TNFAIP1: variants seen among roughly 807,000 people sequenced by gnomAD.
TNFAIP1 encodes the protein TNF alpha induced protein 1, also known as BTB/POZ domain-containing adapter for CUL3-mediated RhoA degradation protein 2.
A neutral mutation model predicts 32.6 loss-of-function variants in TNFAIP1; 20 were observed. The observed-to-expected ratio is 0.61, with a 90% CI of 0.43 to 0.89. The LOEUF is 0.89. TNFAIP1 is among the 40% of genes least tolerant of loss of function. TNFAIP1 has a pLI of 0.00. For synonymous variants in TNFAIP1, 166 were observed against 166.8 expected (o/e 1.00, Z 0.04); for missense variants, 319 against 425.1 (o/e 0.75, Z 2.20).
chr17:28,335,878 G>A (rs1222160806), intron 1 of TNFAIP1, 22 bp downstream of exon 1: 1 of 152,230 alleles, frequency 6.6e-6, no homozygotes, highest in Non-Finnish European at 1.5e-5. Context: ...GCCCGCCGAT[G>A]CCCTCGGGGA....
Position 28,339,673 on chromosome 17 carries a change from C to G in TNFAIP1, c.152C>G (p.Thr51Ser). The change falls in exon 2 of 7, where the codon ACC (threonine) becomes AGC (serine). Residue 51 changes from threonine to serine, a missense_variant. Coordinates refer to ENST00000226225, the MANE Select transcript of TNFAIP1 (RefSeq NM_021137.5). The part of the protein sequence containing the change: ...TTVRALTRHD[T>S]MLKAMFSGRM... Reference sequence around the variant, plus strand: ...GTGCGGGCCCTGACCCGCCACGACACCATGCTCAAGGCCATGTTCAGTGGG... The same window carrying G: ...GTGCGGGCCCTGACCCGCCACGACAGCATGCTCAAGGCCATGTTCAGTGGG... 6.2e-7 allele frequency: 1 copy of G among 1,614,144 alleles called. No homozygotes were observed. The highest frequency in any genetic ancestry group is 2.2e-5 in the East Asian group (1 of 44,882).
intron 6 of TNFAIP1, 39 bp from the exon 7 acceptor site, chr17:28,344,325 G>A (rs955322817): frequency 4.4e-6 from 7 of 1,583,048 alleles, no homozygotes; most frequent in Admixed American, 3.3e-5. Flanking sequence ...TCCTCTTGAA[G>A]ATGAAACCTT....
chr17:28,337,295 C>T (rs1907210524), intron 1 of TNFAIP1, among the ~76,000 whole-genome samples: 1 of 152,148 alleles, frequency 6.6e-6, no homozygotes, highest in Non-Finnish European at 1.5e-5. Context: ...GTATGAAATC[C>T]ACCTTTGTTA....
rs1907485087 is a variant in TNFAIP1, at chr17:28,344,667, C to T, written c.*67C>T. The T allele has an allele frequency of 3.3e-6, 5 of 1,494,130 alleles. No individual in the cohort carries two copies. Among genetic ancestry groups the T allele is most frequent in the Non-Finnish European group, 4.6e-6 (5 of 1,086,744 alleles). 92.6% of individuals were successfully genotyped at this position (1,494,130 alleles called of 1,614,324 possible). On this transcript the variant is annotated 3_prime_UTR_variant, in exon 7 of 7. Transcript: ENST00000226225. Reference sequence around the variant, plus strand: ...CATCCTGTGGAACCCGCCCCATTGGCCACCCCATGCTGCTGCTGCCTGGGT... The same window carrying T: ...CATCCTGTGGAACCCGCCCCATTGGTCACCCCATGCTGCTGCTGCCTGGGT...
At position 28,339,769 on chromosome 17, in the gene TNFAIP1, G is replaced by A. The variant is rs115546172; in HGVS notation, c.205+43G>A. 257 of 1,591,530 alleles carry A rather than the reference G, an allele frequency of 1.6e-4. 2 individuals are homozygous for A. The African/African-American group carries it at 3.2e-3, about 20-fold the overall frequency. On this transcript the variant is annotated intron_variant, in intron 2 of 6. Transcript: ENST00000226225. ...CCGCTCGGGGTGGGGAGGGCAGGAG[G>A]AGTTCCCAAGGAAATGACCAGATCT...
intron 1 of TNFAIP1, among the ~76,000 whole-genome samples, chr17:28,337,846 T>A (rs1907230798): frequency 6.6e-6 from 1 of 152,240 alleles, no homozygotes; most frequent in South Asian, 2.1e-4. Flanking sequence ...ATTGCATTTA[T>A]CAGGTTCTGG....
At chr17:28,341,367 C>T (rs1398794782) in intron 4 of TNFAIP1, 37 bp from the exon 5 acceptor site, 1 of 1,614,016 alleles carries the variant, frequency 6.2e-7, no homozygotes, top group East Asian at 2.2e-5. Flanking sequence ...GGATGCCAGT[C>T]CCCTGGCCTG....
At chr17:28,341,180 C>G in intron 3 of TNFAIP1, 57 bp from the exon 4 acceptor site, 1 of 1,596,266 alleles carries the variant, frequency 6.3e-7, no homozygotes, top group Non-Finnish European at 8.6e-7. Flanking sequence ...AGGTATACCT[C>G]GATAAGCCTG....
intron 6 of TNFAIP1, among the ~76,000 whole-genome samples, chr17:28,343,811 C>A (rs1472664893): frequency 6.6e-6 from 1 of 152,066 alleles, no homozygotes; most frequent in East Asian, 1.9e-4. Context: ...TGACTGCCTT[C>A]CCTTTCTCCT....
intron 6 of TNFAIP1, among the ~76,000 whole-genome samples, chr17:28,344,088 G>T (rs1460171471): frequency 1.3e-5 from 2 of 152,166 alleles, no homozygotes; most frequent in African/African-American, 4.8e-5. Flanking sequence ...GAGCTGTGTT[G>T]GGACCTAGCT....
At chr17:28,341,897 T>C (rs1907374774) in intron 5 of TNFAIP1, among the ~76,000 whole-genome samples, 2 of 152,176 alleles carry the variant, frequency 1.3e-5, no homozygotes, top group Admixed American at 1.3e-4. Context: ...AAACCCTCCC[T>C]ATGATTCCCT....
chr17:28,341,372 G>A lies in TNFAIP1; in HGVS notation c.466-32G>A, dbSNP rs1555578141. 5.0e-6 allele frequency: 8 copies of A among 1,614,074 alleles called. No homozygotes were observed. The Middle Eastern group carries it at 4.9e-4, about 99-fold the overall frequency. ...TGCGGGCCGGGGATGCCAGTCCCCTGGCCTGGCCCCTCACTCTGAACTCCT... is the reference window on the plus strand; with the variant it reads ...TGCGGGCCGGGGATGCCAGTCCCCTAGCCTGGCCCCTCACTCTGAACTCCT... On this transcript the variant is annotated intron_variant, in intron 4 of 6. Transcript: ENST00000226225.
Position 28,339,335 on chromosome 17 carries a change from C to G in TNFAIP1, c.-114-73C>G. ...TTGTCAGGGAGAGAATGAGTACGGT[C>G]GTGTTTCTGCTATTGTCTCCTCCTG... On this transcript the variant is annotated intron_variant, in intron 1 of 6. Transcript: ENST00000226225. 6 of 500,244 alleles carry G rather than the reference C, an allele frequency of 1.2e-5. No homozygotes were observed. The South Asian group carries it at 1.5e-4, about 13-fold the overall frequency. The allele number at this position is 500,244 out of a possible 1,614,324, so 31.0% of individuals were successfully genotyped here.
chr17:28,346,789 T>A lies in TNFAIP1; in HGVS notation c.*2189T>A. 6.6e-6 allele frequency: 1 copy of A among 152,166 alleles called. No homozygotes were observed. Among genetic ancestry groups the A allele is most frequent in the Non-Finnish European group, 1.5e-5 (1 of 68,042 alleles). 9.4% of individuals were successfully genotyped at this position (152,166 alleles called of 1,614,324 possible). The stretch of plus-strand genomic sequence containing the variant: ...AAACAAAGTATGGATGAAGGTCAGA[T>A]TTTCTTGTCAGTTTCTGAGAAACCT... On this transcript the variant is annotated 3_prime_UTR_variant, in exon 7 of 7. Coordinates refer to ENST00000226225, the MANE Select transcript of TNFAIP1 (RefSeq NM_021137.5).
In TNFAIP1 at chr17:28,342,325, C is replaced by T. The variant is rs782352893; in HGVS notation, c.597C>T (p.Phe199=). ...LSLRFNGRVL[F]IKDVIGDEIC... ...TGCGCTTCAACGGCCGCGTGCTCTT[C>T]ATCAAGGATGTCATTGGTGACGAGA... The change falls in exon 6 of 7, where the codon TTC becomes TTT. Residue 199 remains phenylalanine (F), a synonymous_variant. Transcript: ENST00000226225. The surrounding 1 kb of genome is among the most constrained non-coding windows in gnomAD (Gnocchi z 4.0). 2 of 1,606,768 alleles carry T rather than the reference C, an allele frequency of 1.2e-6. No individual in the cohort carries two copies. The highest frequency in any genetic ancestry group is 1.7e-4 in the Middle Eastern group (1 of 6,042).
intron 6 of TNFAIP1, among the ~76,000 whole-genome samples, chr17:28,343,833 G>A (rs1315667764): frequency 6.6e-6 from 1 of 152,110 alleles, no homozygotes; most frequent in Non-Finnish European, 1.5e-5. Flanking sequence ...CCTCCAGGCA[G>A]GTCATGCCGG....
Position 28,344,540 on chromosome 17 carries a change from C to G in TNFAIP1, c.891C>G (p.Val297=), listed in dbSNP as rs782703944. ...GGGACCGTGTCCGCCGCATCCACGT[C>G]AAGCGCTACAGCACTTACGATGACC... ...ELRDRVRRIH[V]KRYSTYDDRQ... is the part of the protein sequence containing the mutation. Residue 297 remains valine, a synonymous_variant, in exon 7 of 7, where the codon GTC becomes GTG. Coordinates refer to ENST00000226225, the MANE Select transcript of TNFAIP1 (RefSeq NM_021137.5). 3.7e-6 allele frequency: 6 copies of G among 1,613,886 alleles called. No homozygotes were observed. Among genetic ancestry groups the G allele is most frequent in the Non-Finnish European group, 5.1e-6 (6 of 1,180,042 alleles).
At chr17:28,339,154 C>T (rs1234253882) in intron 1 of TNFAIP1, among the ~76,000 whole-genome samples, 4 of 149,956 alleles carry the variant, frequency 2.7e-5, no homozygotes, top group Non-Finnish European at 4.4e-5. Flanking sequence ...GGGAGGATCA[C>T]TTGAGCCTGG....
At chr17:28,335,886 G>C (rs547778669) in intron 1 of TNFAIP1, 30 bp downstream of exon 1, 1 of 152,394 alleles carries the variant, frequency 6.6e-6, no homozygotes, top group South Asian at 2.1e-4. Context: ...ATGCCCTCGG[G>C]GAAGGGATGG....
Sources: gnomAD v4.1 joint callset for allele counts (sites outside exome capture counted in the v4.1 genomes callset) on GRCh38, gnomAD v4.1.1 for gene constraint, Gnocchi (gnomAD v3.1) non-coding constraint, MANE v1.5 for transcripts, NCBI Gene and HGNC (gene_info 2026-07-23, HGNC 2026-07-21) for gene names.